PRORP: variants seen among roughly 807,000 people sequenced by gnomAD.
The protein encoded by PRORP is protein only RNase P catalytic subunit, also known as mitochondrial ribonuclease P catalytic subunit.
PRORP carries 51 observed loss-of-function variants against 59.4 expected under a neutral mutation model. The ratio of observed to expected loss-of-function variants is 0.86; its 90% CI spans 0.69 to 1.08. The LOEUF (loss-of-function observed/expected upper bound fraction) is 1.08. Ranked by LOEUF, PRORP falls within the 50% of genes least tolerant of loss-of-function variation. The pLI, the probability that PRORP is intolerant of heterozygous loss-of-function variation, is 0.00. For synonymous variants in PRORP, 231 were observed against 245.6 expected, an observed-to-expected ratio of 0.94 and a Z score of 0.55; for missense variants, 646 against 690.3, an observed-to-expected ratio of 0.94 and a Z score of 0.72.
In PRORP at chr14:35,123,701, T is replaced by G; in HGVS notation, c.456T>G (p.His152Gln). ...SWIISQMAGC[H>Q]SSIDVAKSLL... ...TCATTTCACAGATGGCTGGCTGTCA[T>G]AGCTCTATAGATGTGGCTAAATCTC... Residue 152 changes from histidine to glutamine, a missense_variant, in exon 2 of 8, where the codon CAT (histidine) becomes CAG (glutamine). Physicochemically the swap from His to Gln is conservative, Grantham distance 24 (BLOSUM62 0). Coordinates refer to ENST00000534898, the MANE Select transcript of PRORP (RefSeq NM_014672.4). The G allele has an allele frequency of 1.9e-6, 3 of 1,614,254 alleles. No individual in the cohort carries two copies. Among genetic ancestry groups the G allele is most frequent in the Non-Finnish European group, 2.5e-6 (3 of 1,180,044 alleles).
intron 7 of PRORP, among the ~76,000 whole-genome samples, chr14:35,271,156 CTTTTTTT>C (rs762721923): frequency 8.7e-6 from 1 of 114,562 alleles, no homozygotes; most frequent in African/African-American, 3.4e-5. Context: ...ATTATGACTT[CTTTTTTT>C]TTTTTTTTTT....
chr14:35,270,293 A>G, intron 6 of PRORP, 108 bp from the exon 7 acceptor site: 4 of 1,049,312 alleles, frequency 3.8e-6, no homozygotes, highest in Non-Finnish European at 5.6e-6. Flanking sequence ...ATGTTGGTCA[A>G]GAAATCAGAG....
intron 5 of PRORP, among the ~76,000 whole-genome samples, chr14:35,198,941 T>C: frequency 6.6e-6 from 1 of 152,042 alleles, no homozygotes; most frequent in East Asian, 1.9e-4. Context: ...CCGAGGCAGG[T>C]GGATCACCTG....
intron 5 of PRORP, among the ~76,000 whole-genome samples, chr14:35,253,783 G>C (rs2050678077): frequency 6.6e-6 from 1 of 151,988 alleles, no homozygotes; most frequent in African/African-American, 2.4e-5. Flanking sequence ...CTTTCTGAGA[G>C]ACCACTGTCT....
At chr14:35,187,705 CAG>C (rs1420877476) in intron 5 of PRORP, among the ~76,000 whole-genome samples, 1 of 152,122 alleles carries the variant, frequency 6.6e-6, no homozygotes, top group Non-Finnish European at 1.5e-5. Context: ...GCTGGGATTA[CAG>C]GCGTGAGCCA....
intron 6 of PRORP, among the ~76,000 whole-genome samples, chr14:35,268,997 G>C (rs933108981): frequency 1.1e-4 from 16 of 152,078 alleles, no homozygotes; most frequent in Non-Finnish European, 1.6e-4. Flanking sequence ...TCTTTTTTTA[G>C]CTGGAAGATG....
chr14:35,174,079 C>A (rs948832650), intron 4 of PRORP, among the ~76,000 whole-genome samples: 1 of 152,114 alleles, frequency 6.6e-6, no homozygotes, highest in African/African-American at 2.4e-5. Context: ...CCTCAGAAAT[C>A]ACATAATGTC....
intron 4 of PRORP, among the ~76,000 whole-genome samples, chr14:35,144,829 T>C (rs2047565335): frequency 6.8e-6 from 1 of 146,036 alleles, no homozygotes; most frequent in African/African-American, 2.4e-5. Flanking sequence ...GGTTTAGATA[T>C]GATTTTCTTT....
chr14:35,149,310 G>A (rs1369450282), intron 4 of PRORP, among the ~76,000 whole-genome samples: 1 of 151,778 alleles, frequency 6.6e-6, no homozygotes, highest in Non-Finnish European at 1.5e-5. Context: ...GAACTCCTGT[G>A]CTCAAGTAAT....
At chr14:35,242,103 A>G (rs971104998) in intron 5 of PRORP, among the ~76,000 whole-genome samples, 19 of 152,226 alleles carry the variant, frequency 1.2e-4, no homozygotes, top group African/African-American at 4.3e-4. Context: ...TTAGAATAAT[A>G]TACATCTTAG....
chr14:35,262,663 C>T (rs1393395941), intron 5 of PRORP: 2 of 773,158 alleles, frequency 2.6e-6, no homozygotes, highest in Admixed American at 3.4e-5. Context: ...GAACTGGCTG[C>T]CGTTCAGACT....
At chr14:35,221,396 G>C (rs531606651) in intron 5 of PRORP, among the ~76,000 whole-genome samples, 1 of 152,174 alleles carries the variant, frequency 6.6e-6, no homozygotes, top group South Asian at 2.1e-4. Flanking sequence ...CTCTAATATG[G>C]CTTGGTATGG....
Position 35,127,483 on chromosome 14 carries a change from C to T in PRORP, c.1039C>T (p.Gln347Ter). Residue 347 changes from glutamine (Q) to a stop codon, truncating the protein, a stop_gained, in exon 4 of 8, where the codon CAG becomes TAG. Transcript: ENST00000534898. LOFTEE classifies it high-confidence loss of function. The stretch of plus-strand genomic sequence containing the variant: ...ATTTAACAATTATAATTACAGTGGC[C>T]AGTGTTCGGGCTGTGGAAAAACCAT... Reference protein sequence around the residue: ...GQFTTVRKSGQCSGCGKTIES... With the variant: ...GQFTTVRKSG The T allele has an allele frequency of 1.3e-6, 2 of 1,580,850 alleles. No homozygotes were observed. The highest frequency in any genetic ancestry group is 2.4e-5 in the South Asian group (2 of 83,720).
intron 5 of PRORP, among the ~76,000 whole-genome samples, chr14:35,205,740 C>G (rs1261615194): frequency 6.6e-6 from 1 of 152,198 alleles, no homozygotes; most frequent in Admixed American, 6.5e-5. Flanking sequence ...TGCACTATCA[C>G]CATGGTGGCT....
intron 5 of PRORP, among the ~76,000 whole-genome samples, chr14:35,196,233 G>A (rs1309982093): frequency 6.6e-6 from 1 of 152,206 alleles, no homozygotes; most frequent in African/African-American, 2.4e-5. Flanking sequence ...CCAACACTTT[G>A]GGAGGCCGAG....
At chr14:35,161,770 C>G (rs1245060696) in intron 4 of PRORP, among the ~76,000 whole-genome samples, 5 of 152,114 alleles carry the variant, frequency 3.3e-5, no homozygotes, top group Non-Finnish European at 5.9e-5. Context: ...TCTAAACTAT[C>G]TTTACCTGAG....
intron 5 of PRORP, among the ~76,000 whole-genome samples, chr14:35,259,353 G>GT (rs968056595): frequency 2.1e-4 from 32 of 150,742 alleles, no homozygotes; most frequent in African/African-American, 6.6e-4. Context: ...TTTGAAGTGA[G>GT]TTTTTTTTTA....
At chr14:35,146,563 G>A (rs377046727) in intron 4 of PRORP, among the ~76,000 whole-genome samples, 6 of 152,096 alleles carry the variant, frequency 3.9e-5, no homozygotes, top group African/African-American at 1.4e-4. Flanking sequence ...TGAACTGTGG[G>A]TTTTTTTCCC....
At chr14:35,242,020 C>T (rs1391670228) in intron 5 of PRORP, among the ~76,000 whole-genome samples, 2 of 152,136 alleles carry the variant, frequency 1.3e-5, no homozygotes. Context: ...CTTATATCCA[C>T]CCGTGCTTCA....
Sources: allele counts gnomAD v4.1 joint callset (sites outside exome capture counted in the v4.1 genomes callset), GRCh38; gene constraint gnomAD v4.1.1; transcripts MANE v1.5; gene names NCBI Gene and HGNC (gene_info 2026-07-23, HGNC 2026-07-21).